COA1: variants seen among roughly 807,000 people sequenced by gnomAD.
COA1 encodes cytochrome c oxidase assembly factor 1 homolog.
COA1 carries 13 observed loss-of-function variants against 16.0 expected under a neutral mutation model. The ratio of observed to expected loss-of-function variants is 0.81; its 90% CI spans 0.53 to 1.29. The LOEUF (loss-of-function observed/expected upper bound fraction) is 1.29, where lower values mean the gene tolerates loss of function less well. Ranked by LOEUF, COA1 falls within the 50% of genes most tolerant of loss-of-function variation. COA1 has a pLI of 0.00. For synonymous variants in COA1, 65 were observed against 65.7 expected (o/e 0.99, Z 0.05); for missense variants, 179 against 177.0 (o/e 1.01, Z -0.06).
intron 4 of COA1, among the ~76,000 whole-genome samples, chr7:43,644,515 A>G (rs1214198079): frequency 6.6e-6 from 1 of 152,020 alleles, no homozygotes; most frequent in Non-Finnish European, 1.5e-5. Flanking sequence ...CTGACTGGAT[A>G]TAGATGCATT....
rs569551841 is a variant in COA1 at position 43,639,703 on chromosome 7, G to GTATC, written c.342-26_342-23dup. On this transcript the variant is annotated intron_variant, in intron 5 of 5. Transcript: ENST00000223336. Reference sequence around the variant, plus strand: ...CCACCTGAGAGAAACCAAAAGTATAGTATCTCTAATCTATGAAGGCTGAGG... The same window carrying GTATC: ...CCACCTGAGAGAAACCAAAAGTATAGTATCTATCTCTAATCTATGAAGGCTGAGG... 4.1e-4 allele frequency: 656 copies of GTATC among 1,585,428 alleles called. 3 individuals carry two copies. The highest frequency in any genetic ancestry group is 3.7e-3 in the East Asian group (167 of 44,716).
intron 1 of COA1, 21 bp from the exon 2 acceptor site, chr7:43,648,673 A>G (rs894460642): frequency 1.3e-6 from 2 of 1,576,502 alleles, no homozygotes; most frequent in Non-Finnish European, 1.7e-6. Flanking sequence ...AAAAGATTTT[A>G]CATTAAAATC....
downstream of COA1, among the ~76,000 whole-genome samples, chr7:43,636,688 C>G (rs2085933560): frequency 1.3e-5 from 2 of 152,128 alleles, no homozygotes; most frequent in African/African-American, 2.4e-5. Context: ...AGCAATAAAA[C>G]CTTATCAGGT....
chr7:43,639,894 ATGAC>A (rs1463441075), intron 5 of COA1, among the ~76,000 whole-genome samples: 2 of 152,202 alleles, frequency 1.3e-5, no homozygotes, highest in Non-Finnish European at 2.9e-5. Context: ...AGGCTTAACA[ATGAC>A]TGACAGGCGA....
At chr7:43,714,629 CAAA>C (rs575643573) in intron 1 of COA1, among the ~76,000 whole-genome samples, 1 of 107,458 alleles carries the variant, frequency 9.3e-6, no homozygotes, top group African/African-American at 3.5e-5. Context: ...AACTCCATCT[CAAA>C]AAAAAAAAAA....
chr7:43,708,389 A>G (rs1247403700), intron 1 of COA1, among the ~76,000 whole-genome samples: 1 of 145,656 alleles, frequency 6.9e-6, no homozygotes, highest in African/African-American at 2.4e-5. Context: ...TGAGCCTGGG[A>G]GGTCAAGACT....
At chr7:43,679,579 C>T (rs1340566996) in intron 1 of COA1, among the ~76,000 whole-genome samples, 2 of 152,220 alleles carry the variant, frequency 1.3e-5, no homozygotes, top group East Asian at 1.9e-4. Context: ...TAACATCACA[C>T]TGCTTTTCTC....
chr7:43,663,965 A>G (rs1454324259), intron 1 of COA1, among the ~76,000 whole-genome samples: 1 of 152,082 alleles, frequency 6.6e-6, no homozygotes, highest in African/African-American at 2.4e-5. Context: ...AGAAAAATGG[A>G]TGATCCCTTA....
At chr7:43,645,420 T>C in intron 3 of COA1, 21 bp from the exon 4 acceptor site, 3 of 1,611,524 alleles carry the variant, frequency 1.9e-6, no homozygotes, top group Non-Finnish European at 2.5e-6. Flanking sequence ...AAGACACACT[T>C]ATTTTCTTTA....
intron 6 of COA1, among the ~76,000 whole-genome samples, chr7:43,627,441 T>TAGGTATAG (rs1438426621): frequency 1.3e-5 from 2 of 152,154 alleles, no homozygotes; most frequent in African/African-American, 4.8e-5. Flanking sequence ...GGGTGGTGCG[T>TAGGTATAG]GACTCAGTCC....
At chr7:43,654,468 A>G (rs2091395180) in intron 1 of COA1, among the ~76,000 whole-genome samples, 1 of 152,222 alleles carries the variant, frequency 6.6e-6, no homozygotes, top group Non-Finnish European at 1.5e-5. Context: ...ACTACACGCT[A>G]AAGAAGGAAA....
At chr7:43,628,618 T>C (rs1418116369) in intron 6 of COA1, among the ~76,000 whole-genome samples, 1 of 152,248 alleles carries the variant, frequency 6.6e-6, no homozygotes, top group East Asian at 1.9e-4. Context: ...CAATTGGTAT[T>C]GTCCACCTGT....
chr7:43,618,776 C>T (rs148186716), intron 6 of COA1, among the ~76,000 whole-genome samples: 140 of 152,282 alleles, frequency 9.2e-4, no homozygotes, highest in South Asian at 5.6e-3. Context: ...CTGGGGAGCT[C>T]TTTCCCATTA....
At chr7:43,644,158 A>T (rs2088027171) in intron 4 of COA1, among the ~76,000 whole-genome samples, 1 of 152,038 alleles carries the variant, frequency 6.6e-6, no homozygotes, top group Non-Finnish European at 1.5e-5. Flanking sequence ...TCCACCTTTC[A>T]AAGTCCTCAC....
At chr7:43,674,977 T>C (rs141980540) in intron 1 of COA1, among the ~76,000 whole-genome samples, 16 of 152,348 alleles carry the variant, frequency 1.1e-4, no homozygotes, top group Non-Finnish European at 2.2e-4. Flanking sequence ...TTACACTTTG[T>C]GTTTTTCTTA....
At chr7:43,624,567 A>T (rs1389970044) in intron 6 of COA1, 2 of 1,614,132 alleles carry the variant, frequency 1.2e-6, no homozygotes, top group Middle Eastern at 1.6e-4. Context: ...GTTGACACAG[A>T]GCAGTATTCA....
At chr7:43,646,679 G>C (rs2089399511) in intron 3 of COA1, 1 of 454,198 alleles carries the variant, frequency 2.2e-6, no homozygotes, top group South Asian at 1.6e-5. Flanking sequence ...GCAGAGGGAA[G>C]AGGAGGCCAA....
intron 1 of COA1, among the ~76,000 whole-genome samples, chr7:43,719,806 C>G (rs968666721): frequency 1.3e-5 from 2 of 152,076 alleles, no homozygotes; most frequent in Non-Finnish European, 2.9e-5. Flanking sequence ...AATCTATTCT[C>G]CCCACCTCCT....
intron 1 of COA1, among the ~76,000 whole-genome samples, chr7:43,701,156 G>T (rs999615637): frequency 4.0e-5 from 6 of 150,142 alleles, no homozygotes; most frequent in African/African-American, 1.5e-4. Flanking sequence ...TTTTACATGG[G>T]TATACTGCAT....
Sources: gnomAD v4.1 joint callset for allele counts (sites outside exome capture counted in the v4.1 genomes callset) on GRCh38, gnomAD v4.1.1 for gene constraint, MANE v1.5 for transcripts, NCBI Gene and HGNC (gene_info 2026-07-23, HGNC 2026-07-21) for gene names.